The following FSTL5 variants were observed in gnomAD, a reference collection of about 807,000 sequenced individuals.
FSTL5 encodes the protein follistatin like 5.
Under a neutral mutation model 89.1 loss-of-function variants are expected in FSTL5, and 62 were observed. The ratio of observed to expected loss-of-function variants is 0.70; its 90% CI spans 0.57 to 0.86. FSTL5 has a LOEUF of 0.86. Ranked by LOEUF, FSTL5 falls within the 40% of genes least tolerant of loss-of-function variation. The pLI is 0.00. For synonymous variants in FSTL5, 383 were observed against 346.2 expected (o/e 1.11, Z -1.18); for missense variants, 1,057 against 1,001.6 (o/e 1.06, Z -0.75).
chr4:161,883,625 T>A (rs1471156914), intron 4 of FSTL5, among the ~76,000 whole-genome samples: 1 of 152,230 alleles, frequency 6.6e-6, no homozygotes, highest in Non-Finnish European at 1.5e-5. Context: ...TGTTAACATT[T>A]TATTTAAATA....
intron 6 of FSTL5, among the ~76,000 whole-genome samples, chr4:161,669,913 A>G (rs1737037561): frequency 6.6e-6 from 1 of 152,148 alleles, no homozygotes; most frequent in African/African-American, 2.4e-5. Flanking sequence ...AAATATATGT[A>G]CACAAGAAAA....
intron 6 of FSTL5, among the ~76,000 whole-genome samples, chr4:161,717,566 A>C (rs1739031367): frequency 6.6e-6 from 1 of 152,190 alleles, no homozygotes; most frequent in Non-Finnish European, 1.5e-5. Flanking sequence ...TGACCTCTTG[A>C]GAGGGCTGAA....
intron 3 of FSTL5, among the ~76,000 whole-genome samples, chr4:162,015,827 A>G (rs1304595551): frequency 6.6e-6 from 1 of 152,186 alleles, no homozygotes; most frequent in African/African-American, 2.4e-5. Flanking sequence ...GCTTTTCCAA[A>G]GTCTCTGGTT....
At position 161,915,346 on chromosome 4, in the gene FSTL5, C is replaced by A. The variant is rs982081354; in HGVS notation, c.409+5058G>T. On this transcript the variant is annotated intron_variant, in intron 4 of 15. Coordinates refer to ENST00000306100, the MANE Select transcript of FSTL5 (RefSeq NM_020116.5). ...CTCTTCTCTTCCTCTCCATTTGTCTCCTTTCTCCCACCTTCCCACTCTCTG... is the reference window on the plus strand; with the variant it reads ...CTCTTCTCTTCCTCTCCATTTGTCTACTTTCTCCCACCTTCCCACTCTCTG... Among the ~76,000 whole-genome samples the A allele has an allele frequency of 3.3e-5, 5 of 150,974 alleles. No individual in the cohort carries two copies. The Admixed American group carries it at 3.3e-4, about 10-fold the overall frequency.
At chr4:161,797,064 A>G (rs1729652378) in intron 4 of FSTL5, among the ~76,000 whole-genome samples, 1 of 151,568 alleles carries the variant, frequency 6.6e-6, no homozygotes, top group South Asian at 2.1e-4. Flanking sequence ...ACTTCAATCT[A>G]ATTTCTATAT....
chr4:161,496,143 G>A (rs186477449), intron 12 of FSTL5, among the ~76,000 whole-genome samples: 35 of 152,264 alleles, frequency 2.3e-4, no homozygotes, highest in Non-Finnish European at 3.8e-4. Context: ...TGCATAAAAC[G>A]ATGAATAGCT....
At chr4:161,432,485 A>G (rs894026577) in intron 15 of FSTL5, among the ~76,000 whole-genome samples, 5 of 152,100 alleles carry the variant, frequency 3.3e-5, no homozygotes, top group African/African-American at 1.2e-4. Context: ...ATAAGCACCT[A>G]TACCAAAAAG....
intron 2 of FSTL5, among the ~76,000 whole-genome samples, chr4:162,102,991 A>T (rs1731064785): frequency 6.6e-6 from 1 of 152,026 alleles, no homozygotes; most frequent in Non-Finnish European, 1.5e-5. Context: ...GCTTTAAGCA[A>T]AATATTTTAA....
At chr4:161,430,568 G>T (rs145203355) in intron 15 of FSTL5, among the ~76,000 whole-genome samples, 5,039 of 152,128 alleles carry the variant, frequency 0.033, 129 homozygotes, top group South Asian at 0.11. Flanking sequence ...GTGAAACCCC[G>T]TCTCTACTAA....
chr4:161,526,335 A>G (rs1731218260), intron 10 of FSTL5, among the ~76,000 whole-genome samples: 1 of 152,198 alleles, frequency 6.6e-6, no homozygotes, highest in Non-Finnish European at 1.5e-5. Flanking sequence ...ATCTGATTCT[A>G]TTAAAATTTC....
chr4:161,489,434 C>T (rs980072218), intron 12 of FSTL5, among the ~76,000 whole-genome samples: 2 of 151,854 alleles, frequency 1.3e-5, no homozygotes, highest in African/African-American at 4.8e-5. Flanking sequence ...AATTGAAAGC[C>T]AATATTAAAG....
chr4:162,129,017 CG>C (rs146530773), intron 1 of FSTL5, among the ~76,000 whole-genome samples: 14,429 of 151,702 alleles, frequency 0.095, 878 homozygotes, highest in African/African-American at 0.16. Flanking sequence ...CTCCGGCTCC[CG>C]GGTTCAAGCG....
chr4:162,069,577 A>G (rs77470875), intron 2 of FSTL5, among the ~76,000 whole-genome samples: 6,033 of 151,942 alleles, frequency 0.04, 179 homozygotes, highest in East Asian at 0.11. Context: ...TAATAACCAC[A>G]ATTCTGCTCT....
intron 12 of FSTL5, among the ~76,000 whole-genome samples, chr4:161,484,810 G>A (rs1729622991): frequency 6.6e-6 from 1 of 152,166 alleles, no homozygotes; most frequent in African/African-American, 2.4e-5. Flanking sequence ...TTGCTTTCAA[G>A]TTGCCTGTAA....
intron 10 of FSTL5, 29 bp downstream of exon 10, chr4:161,538,137 T>C (rs1007690137): frequency 6.2e-7 from 1 of 1,611,020 alleles, no homozygotes; most frequent in Non-Finnish European, 8.5e-7. Context: ...ATATGGTGTG[T>C]GTGTGCTGTT....
At chr4:162,011,290 A>G (rs904398825) in intron 3 of FSTL5, among the ~76,000 whole-genome samples, 1 of 152,240 alleles carries the variant, frequency 6.6e-6, no homozygotes, top group Admixed American at 6.5e-5. Context: ...TATATGCCAG[A>G]AGATATTACT....
At chr4:161,390,401 G>C (rs1356860715) in intron 15 of FSTL5, among the ~76,000 whole-genome samples, 3 of 152,130 alleles carry the variant, frequency 2.0e-5, no homozygotes, top group Non-Finnish European at 4.4e-5. Context: ...GGAAGGAAGA[G>C]AACAGTATTT....
intron 7 of FSTL5, among the ~76,000 whole-genome samples, chr4:161,609,471 A>G (rs546979707): frequency 4.9e-4 from 74 of 152,290 alleles, no homozygotes; most frequent in African/African-American, 1.7e-3. Context: ...ACAAATATCC[A>G]TAAACACTTA....
At chr4:161,798,284 T>G (rs1729693468) in intron 4 of FSTL5, among the ~76,000 whole-genome samples, 1 of 151,602 alleles carries the variant, frequency 6.6e-6, no homozygotes. Flanking sequence ...TTACAAATTC[T>G]ATTACAGCCC....
Sources: allele counts gnomAD v4.1 joint callset (sites outside exome capture counted in the v4.1 genomes callset), GRCh38; gene constraint gnomAD v4.1.1; transcripts MANE v1.5; gene names NCBI Gene and HGNC (gene_info 2026-07-23, HGNC 2026-07-21).